Variants in IARS1 observed in about 807,000 individuals in gnomAD.
IARS1 encodes the protein isoleucine--tRNA ligase, cytoplasmic.
IARS1 carries 124 observed loss-of-function variants against 168.2 expected under a neutral mutation model. The observed-to-expected ratio is 0.74, with a 90% confidence interval of 0.64 to 0.86. The LOEUF is 0.86. Among genes scored for constraint, IARS1 ranks in the 40% least tolerant of loss-of-function variants. IARS1 has a pLI of 0.00. For synonymous variants in IARS1, 532 were observed against 529.4 expected (o/e 1.00, Z -0.07); for missense variants, 1,452 against 1,515.8 (o/e 0.96, Z 0.70).
chr9:92,276,417 G>A (rs1291888174), intron 9 of IARS1, among the ~76,000 whole-genome samples: 4 of 152,188 alleles, frequency 2.6e-5, no homozygotes, highest in African/African-American at 7.2e-5. Context: ...GGGAGGGCAC[G>A]TCCTAATTGC....
In IARS1 at chr9:92,222,749, A is replaced by T. The variant is rs1203248345; in HGVS notation, c.3554-77T>A. 8 of 1,496,824 alleles carry T rather than the reference A, an allele frequency of 5.3e-6. No homozygotes were observed. In the Admixed American group the frequency reaches 1.4e-4, roughly 26 times the overall value. 92.7% of individuals were successfully genotyped at this position (1,496,824 alleles called of 1,614,324 possible). A position where few individuals can be genotyped will look rare whatever the true frequency, so the allele number is the denominator to read the frequency against. On this transcript the variant is annotated intron_variant, in intron 32 of 33. Transcript: ENST00000443024. ...TCCAAAAGAGGTGGCCACTGCGGAC[A>T]GCTCTAACAGGCAGTGCTGAGGCCA...
intron 30 of IARS1, among the ~76,000 whole-genome samples, chr9:92,235,180 G>A (rs1827300652): frequency 6.6e-6 from 1 of 152,112 alleles, no homozygotes; most frequent in Non-Finnish European, 1.5e-5. Context: ...TTTCTATAGA[G>A]TCAGCTTTAT....
At chr9:92,242,705 T>C (rs150876991) in intron 28 of IARS1, 222 of 223,772 alleles carry the variant, frequency 9.9e-4, no homozygotes, top group African/African-American at 4.6e-3. Flanking sequence ...GAAAGATGTA[T>C]GTTAGCTGTC....
rs1564169796 is a variant in IARS1 at position 92,247,532 on chromosome 9, A to G, written c.2636T>C (p.Val879Ala). 2 of 1,613,562 alleles carry G rather than the reference A, an allele frequency of 1.2e-6. No individual in the cohort carries two copies. The highest frequency in any genetic ancestry group is 1.7e-4 in the Middle Eastern group (1 of 6,056). Residue 879 changes from valine (V) to alanine (A), a missense_variant, in exon 26 of 34, where the codon GTT becomes GCT. By Grantham distance (64) the Val-to-Ala change is moderately conservative. Transcript: ENST00000443024. Reference sequence around the variant, plus strand: ...CTTGTTTTTATCTGTAGACAGTGTAACTTTTCGAACATTGAGTTCCTACAG... The same window carrying G: ...CTTGTTTTTATCTGTAGACAGTGTAGCTTTTCGAACATTGAGTTCCTACAG... Reference protein sequence around the residue: ...YIIEELNVRKVTLSTDKNKYG... With the variant: ...YIIEELNVRKATLSTDKNKYG...
In IARS1 at chr9:92,261,753, C is replaced by T. The variant is rs111806632; in HGVS notation, c.1787+1216G>A. On this transcript the variant is annotated intron_variant, in intron 17 of 33. Coordinates refer to ENST00000443024, the MANE Select transcript of IARS1 (RefSeq NM_002161.6). ...ATCTACAATGATCTCAATACAATTT[C>T]CCCCTTTTTTTTTTTGAGATGGAGC... Among the ~76,000 whole-genome samples, 1,000 of 151,738 alleles carry T rather than the reference C, an allele frequency of 6.6e-3. 7 individuals are homozygous for T. Among genetic ancestry groups the T allele is most frequent in the Non-Finnish European group, 0.01 (691 of 67,888 alleles).
chr9:92,243,600 G>T (rs901743108), intron 27 of IARS1, among the ~76,000 whole-genome samples: 3 of 152,134 alleles, frequency 2.0e-5, no homozygotes, highest in African/African-American at 7.2e-5. Flanking sequence ...TCCCTCACAT[G>T]ACTCTGCTTT....
chr9:92,289,462 G>T, intron 1 of IARS1, 36 bp from the exon 2 acceptor site: 1 of 880,270 alleles, frequency 1.1e-6, no homozygotes, highest in East Asian at 2.4e-5. Context: ...TGTCAAAAGA[G>T]AAATCTAGGA....
At chr9:92,258,735 G>C (rs1831089188) in intron 19 of IARS1, 119 bp downstream of exon 19, 2 of 1,033,684 alleles carry the variant, frequency 1.9e-6, no homozygotes, top group East Asian at 5.4e-5. Flanking sequence ...AGTTACCCCA[G>C]CATCAGGCAG....
chr9:92,247,352 T>C (rs1455952646), intron 26 of IARS1, 25 bp downstream of exon 26: 2 of 1,599,678 alleles, frequency 1.3e-6, no homozygotes, highest in African/African-American at 2.7e-5. Flanking sequence ...ACATAAATGG[T>C]GCCCTTGTCT....
At chr9:92,229,583 C>G (rs1287309618) in intron 30 of IARS1, among the ~76,000 whole-genome samples, 1 of 152,086 alleles carries the variant, frequency 6.6e-6, no homozygotes, top group Non-Finnish European at 1.5e-5. Flanking sequence ...TACTATCTGA[C>G]CCCTGATGTT....
chr9:92,283,795 TA>T lies in IARS1; in HGVS notation c.597+1926del, dbSNP rs538406439. Among the ~76,000 whole-genome samples the T allele has an allele frequency of 1.2e-3, 182 of 152,168 alleles. 1 individual carries two copies. The highest frequency in any genetic ancestry group is 1.6e-3 in the Admixed American group (25 of 15,294). On this transcript the variant is annotated intron_variant, in intron 6 of 33. Coordinates refer to ENST00000443024, the MANE Select transcript of IARS1 (RefSeq NM_002161.6). ...ATTTAAAAAAATAAATAAATAAAAA[TA>T]AAATATAACCCCTTGGGAAATGATT...
chr9:92,270,050 C>T (rs1166468833), intron 12 of IARS1, 67 bp from the exon 13 acceptor site: 3 of 904,316 alleles, frequency 3.3e-6, no homozygotes, highest in Non-Finnish European at 5.6e-6. Flanking sequence ...GTAAGACTGA[C>T]TTTTCATGTC....
intron 16 of IARS1, 59 bp from the exon 17 acceptor site, chr9:92,263,114 G>T (rs1317329464): frequency 5.2e-6 from 6 of 1,143,462 alleles, no homozygotes; most frequent in South Asian, 1.3e-5. Context: ...GCATAAGAAA[G>T]AAACTGTATT....
intron 30 of IARS1, among the ~76,000 whole-genome samples, chr9:92,234,015 C>T (rs573813202): frequency 6.6e-6 from 1 of 152,210 alleles, no homozygotes; most frequent in Non-Finnish European, 1.5e-5. Flanking sequence ...CCTGCCTAAG[C>T]CTCCCAAAAT....
At chr9:92,251,335 C>T (rs1829986582) in intron 22 of IARS1, among the ~76,000 whole-genome samples, 1 of 152,272 alleles carries the variant, frequency 6.6e-6, no homozygotes, top group South Asian at 2.1e-4. Flanking sequence ...GGAGCCGTTC[C>T]ACTTTTATAT....
chr9:92,237,934 C>CT (rs1467383071), intron 30 of IARS1, among the ~76,000 whole-genome samples: 3 of 152,118 alleles, frequency 2.0e-5, no homozygotes, highest in Non-Finnish European at 4.4e-5. Flanking sequence ...GAGACAGAGT[C>CT]TCGCTCTGTC....
intron 25 of IARS1, among the ~76,000 whole-genome samples, chr9:92,249,199 G>A (rs544229229): frequency 6.4e-4 from 98 of 152,324 alleles, no homozygotes; most frequent in Admixed American, 5.8e-3. Context: ...TTTTACATGC[G>A]AGGGTACTTG....
chr9:92,252,857 C>T (rs1830218007), intron 21 of IARS1, among the ~76,000 whole-genome samples: 1 of 145,462 alleles, frequency 6.9e-6, no homozygotes, highest in African/African-American at 2.5e-5. Context: ...ACCTCGCTCT[C>T]TCTATTAAGC....
intron 1 of IARS1, chr9:92,292,564 A>G: frequency 6.4e-6 from 1 of 155,654 alleles, no homozygotes; most frequent in Middle Eastern, 5.2e-4. Flanking sequence ...AGAGCTGTCC[A>G]TGCACAACAG....
Sources: allele counts gnomAD v4.1 joint callset (sites outside exome capture counted in the v4.1 genomes callset), GRCh38; gene constraint gnomAD v4.1.1; transcripts MANE v1.5; gene names NCBI Gene and HGNC (gene_info 2026-07-23, HGNC 2026-07-21).